The following AGBL1 variants were observed in gnomAD, a reference collection of about 807,000 sequenced individuals.
AGBL1 encodes AGBL carboxypeptidase 1, also known as cytosolic carboxypeptidase 4.
In AGBL1, 130 loss-of-function variants were observed where a neutral mutation model predicts 118.9. That is an observed-to-expected ratio of 1.09 (90% confidence interval 0.95 to 1.26). The LOEUF (loss-of-function observed/expected upper bound fraction) is 1.26, where lower values mean the gene tolerates loss of function less well. Among genes scored for constraint, AGBL1 ranks in the 50% most tolerant of loss-of-function variants. The pLI is 0.00. For synonymous variants in AGBL1, 555 were observed against 478.9 expected, an observed-to-expected ratio of 1.16 and a Z score of -2.08; for missense variants, 1,584 against 1,298.1, an observed-to-expected ratio of 1.22 and a Z score of -3.38.
intron 23 of AGBL1, among the ~76,000 whole-genome samples, chr15:86,963,500 A>G (rs752208406): frequency 4.6e-5 from 7 of 152,034 alleles, no homozygotes; most frequent in Non-Finnish European, 7.4e-5. Context: ...TACTGGATGA[A>G]TTATAAACAA....
chr15:86,534,294 G>A (rs1168638867), intron 19 of AGBL1, among the ~76,000 whole-genome samples: 1 of 152,100 alleles, frequency 6.6e-6, no homozygotes, highest in Non-Finnish European at 1.5e-5. Context: ...TTTCTCTCAG[G>A]GTTATGGAAA....
intron 3 of AGBL1, among the ~76,000 whole-genome samples, chr15:86,151,712 A>T (rs904782463): frequency 6.6e-6 from 1 of 152,222 alleles, no homozygotes; most frequent in Non-Finnish European, 1.5e-5. Flanking sequence ...AGAGTATTCA[A>T]TTAGGAAAAG....
At chr15:86,649,116 T>TCCATCTATG (rs2085330458) in intron 21 of AGBL1, among the ~76,000 whole-genome samples, 1 of 152,146 alleles carries the variant, frequency 6.6e-6, no homozygotes, top group African/African-American at 2.4e-5. Context: ...TGGATGGCTG[T>TCCATCTATG]CCATCTATGA....
intron 5 of AGBL1, among the ~76,000 whole-genome samples, chr15:86,176,330 C>T (rs1387417219): frequency 1.3e-5 from 2 of 152,136 alleles, no homozygotes; most frequent in Non-Finnish European, 2.9e-5. Flanking sequence ...GTCTTCAGGC[C>T]CCAGGAAGGC....
At chr15:86,815,335 T>C (rs2078843586) in intron 22 of AGBL1, among the ~76,000 whole-genome samples, 1 of 152,168 alleles carries the variant, frequency 6.6e-6, no homozygotes, top group Non-Finnish European at 1.5e-5. Flanking sequence ...GTCACATCAG[T>C]GCACAGAAAT....
intron 23 of AGBL1, among the ~76,000 whole-genome samples, chr15:86,947,863 T>C (rs2080841806): frequency 6.6e-6 from 1 of 152,228 alleles, no homozygotes; most frequent in Admixed American, 6.5e-5. Context: ...AGATTTTACA[T>C]TAAAAATATA....
intron 23 of AGBL1, among the ~76,000 whole-genome samples, chr15:86,921,726 A>G (rs953462806): frequency 2.0e-5 from 3 of 152,196 alleles, no homozygotes; most frequent in African/African-American, 7.2e-5. Context: ...CATGGATCAG[A>G]CTGTCTGTGG....
rs977482407 is a variant in AGBL1, at chr15:86,459,454, G to A, written c.2555+61908G>A. ...TTCAGCTTGCCTAAAAATATGTGGTGATTAAATCTTTATTCAATATGCTTA... is the reference window on the plus strand; with the variant it reads ...TTCAGCTTGCCTAAAAATATGTGGTAATTAAATCTTTATTCAATATGCTTA... On this transcript the variant is annotated intron_variant, in intron 18 of 22. Transcript: ENST00000614907. 1.1e-3 allele frequency among the ~76,000 whole-genome samples: 160 copies of A among 152,232 alleles called. 1 individual carries two copies. The highest frequency in any genetic ancestry group is 3.7e-3 in the African/African-American group (155 of 41,538).
chr15:86,862,508 T>C (rs1188647830), intron 22 of AGBL1, among the ~76,000 whole-genome samples: 1 of 152,032 alleles, frequency 6.6e-6, no homozygotes, highest in Non-Finnish European at 1.5e-5. Flanking sequence ...TCGCCTGAGG[T>C]CAGGAGTTCG....
chr15:86,993,871 A>C (rs1341567051), intron 24 of AGBL1, among the ~76,000 whole-genome samples: 1 of 152,028 alleles, frequency 6.6e-6, no homozygotes, highest in East Asian at 1.9e-4. Flanking sequence ...TTCTTTACTG[A>C]GAGCTCTTGG....
intron 22 of AGBL1, among the ~76,000 whole-genome samples, chr15:86,841,362 G>A (rs1192780793): frequency 6.6e-6 from 1 of 152,070 alleles, no homozygotes; most frequent in Non-Finnish European, 1.5e-5. Context: ...TGAAATAGGT[G>A]CACAATTCTA....
chr15:86,619,040 T>C (rs1171276438), intron 21 of AGBL1, among the ~76,000 whole-genome samples: 3 of 151,962 alleles, frequency 2.0e-5, no homozygotes, highest in Admixed American at 6.6e-5. Flanking sequence ...CGTAGGCCCT[T>C]CTGTAATGAG....
chr15:86,364,728 G>T (rs2080853899), intron 17 of AGBL1, among the ~76,000 whole-genome samples: 1 of 151,682 alleles, frequency 6.6e-6, no homozygotes, highest in African/African-American at 2.4e-5. Flanking sequence ...TCTCCATAGA[G>T]ACAGAAACTG....
intron 22 of AGBL1, 99 bp downstream of exon 22, chr15:86,674,535 CA>C (rs1478127980): frequency 3.3e-6 from 4 of 1,227,056 alleles, no homozygotes; most frequent in East Asian, 2.5e-5. Flanking sequence ...GGTCTTTACA[CA>C]GAGAAAATAT....
intron 20 of AGBL1, among the ~76,000 whole-genome samples, chr15:86,546,709 G>A (rs925730363): frequency 6.6e-6 from 1 of 152,120 alleles, no homozygotes; most frequent in African/African-American, 2.4e-5. Flanking sequence ...TTTAGTTTTA[G>A]TGGTTAGAGC....
intron 22 of AGBL1, among the ~76,000 whole-genome samples, chr15:86,823,367 C>A (rs1054673445): frequency 1.3e-4 from 20 of 152,096 alleles, no homozygotes; most frequent in Non-Finnish European, 2.9e-4. Context: ...GTAGAAGTAA[C>A]CCCCTCTCAA....
intron 18 of AGBL1, among the ~76,000 whole-genome samples, chr15:86,485,699 A>G (rs897750871): frequency 1.3e-5 from 2 of 152,146 alleles, no homozygotes; most frequent in Non-Finnish European, 2.9e-5. Context: ...AAAGCAGATG[A>G]TGGGTCAGAT....
rs139696767 is a variant in AGBL1 at position 86,698,407 on chromosome 15, C to A, written c.3158+23971C>A. On this transcript the variant is annotated intron_variant, in intron 22 of 22. Transcript: ENST00000614907. ...AGGTTCAGAGTGATTAAACACTTTG[C>A]CTCAGTACGAATAAGGATTTGTCTG... Among the ~76,000 whole-genome samples, 6 of 152,002 alleles carry A rather than the reference C, an allele frequency of 3.9e-5. No homozygotes were observed. In the East Asian group the frequency reaches 1.2e-3, roughly 29 times the overall value.
intron 5 of AGBL1, among the ~76,000 whole-genome samples, chr15:86,163,207 CG>C (rs2077291089): frequency 6.6e-6 from 1 of 152,140 alleles, no homozygotes; most frequent in Non-Finnish European, 1.5e-5. Flanking sequence ...GAGGCAAAGG[CG>C]GGAGGACCGC....
Sources: gnomAD v4.1 joint callset for allele counts (sites outside exome capture counted in the v4.1 genomes callset) on GRCh38, gnomAD v4.1.1 for gene constraint, MANE v1.5 for transcripts, NCBI Gene and HGNC (gene_info 2026-07-23, HGNC 2026-07-21) for gene names.